NSMCE2: variants seen among roughly 807,000 people sequenced by gnomAD.
NSMCE2 encodes E3 SUMO-protein ligase NSE2.
A neutral mutation model predicts 23.8 loss-of-function variants in NSMCE2; 24 were observed. The observed-to-expected ratio is 1.01, with a 90% confidence interval of 0.73 to 1.42. The LOEUF (loss-of-function observed/expected upper bound fraction) is 1.42. NSMCE2 is among the 40% of genes most tolerant of loss of function. The probability of loss-of-function intolerance (pLI) is 0.00; values close to 1 mark genes in which losing one functional copy is unlikely to be tolerated. For synonymous variants in NSMCE2, 92 were observed against 94.1 expected, an observed-to-expected ratio of 0.98 and a Z score of 0.13; for missense variants, 284 against 296.5, an observed-to-expected ratio of 0.96 and a Z score of 0.31.
At chr8:125,095,752 T>C (rs1817896490) in intron 1 of NSMCE2, among the ~76,000 whole-genome samples, 1 of 151,232 alleles carries the variant, frequency 6.6e-6, no homozygotes, top group African/African-American at 2.4e-5. Flanking sequence ...AAAATTAGCC[T>C]GGCATGTAGC....
At chr8:125,326,732 G>T (rs1829678411) in intron 5 of NSMCE2, among the ~76,000 whole-genome samples, 1 of 152,004 alleles carries the variant, frequency 6.6e-6, no homozygotes. Flanking sequence ...GAGGCAGGTG[G>T]ATCACCTGAG....
chr8:125,104,164 A>T lies in NSMCE2; in HGVS notation c.157+1677A>T, dbSNP rs112586879. 1.2e-3 allele frequency among the ~76,000 whole-genome samples: 185 copies of T among 152,016 alleles called. 2 individuals carry two copies. Among genetic ancestry groups the T allele is most frequent in the African/African-American group, 4.1e-3 (172 of 41,480 alleles). ...CGCCACCACGCCCAGCTAATTTTGTAATTTTAGTAGAGACGGAGTTTCTTC... is the reference window on the plus strand; with the variant it reads ...CGCCACCACGCCCAGCTAATTTTGTTATTTTAGTAGAGACGGAGTTTCTTC... On this transcript the variant is annotated intron_variant, in intron 3 of 7. Coordinates refer to ENST00000287437, the MANE Select transcript of NSMCE2 (RefSeq NM_173685.4).
chr8:125,330,506 G>A (rs1482335683), intron 5 of NSMCE2, among the ~76,000 whole-genome samples: 1 of 151,974 alleles, frequency 6.6e-6, no homozygotes, highest in Non-Finnish European at 1.5e-5. Flanking sequence ...ACACCATGAA[G>A]AAGTGTGGAA....
intron 5 of NSMCE2, among the ~76,000 whole-genome samples, chr8:125,271,754 T>A (rs1292431202): frequency 3.9e-5 from 6 of 152,254 alleles, no homozygotes. Context: ...CTTTTGATAC[T>A]GTTTTTCACT....
At chr8:125,317,169 TG>T (rs1204026282) in intron 5 of NSMCE2, among the ~76,000 whole-genome samples, 1 of 151,978 alleles carries the variant, frequency 6.6e-6, no homozygotes, top group African/African-American at 2.4e-5. Context: ...AATAAGACTA[TG>T]ATTTAAAGTC....
At chr8:125,096,634 C>CTTTTT (rs34656029) in intron 1 of NSMCE2, among the ~76,000 whole-genome samples, 17 of 80,424 alleles carry the variant, frequency 2.1e-4, no homozygotes, top group East Asian at 8.3e-4. Flanking sequence ...GTGTGGAATC[C>CTTTTT]TTTTTTTTTT....
intron 5 of NSMCE2, among the ~76,000 whole-genome samples, chr8:125,316,777 C>CCT (rs1563780416): frequency 2.2e-5 from 2 of 90,200 alleles, no homozygotes; most frequent in African/African-American, 1.4e-4. Flanking sequence ...CCTTCTCTCT[C>CCT]TCTCTTTCTT....
chr8:125,151,722 T>A (rs1041370789), intron 4 of NSMCE2, among the ~76,000 whole-genome samples: 6 of 152,226 alleles, frequency 3.9e-5, no homozygotes, highest in African/African-American at 1.4e-4. Context: ...AGTTTAAAAA[T>A]AAAGAAGATC....
At chr8:125,248,690 G>T (rs149101716) in intron 5 of NSMCE2, among the ~76,000 whole-genome samples, 97 of 152,152 alleles carry the variant, frequency 6.4e-4, no homozygotes, top group African/African-American at 2.2e-3. Context: ...GATACATTAA[G>T]TTTTTTCAGA....
At chr8:125,325,419 C>T (rs1275442452) in intron 5 of NSMCE2, among the ~76,000 whole-genome samples, 1 of 152,172 alleles carries the variant, frequency 6.6e-6, no homozygotes, top group Non-Finnish European at 1.5e-5. Flanking sequence ...GGCACGATCT[C>T]GGCTCATTGC....
At chr8:125,252,505 G>A (rs533480206) in intron 5 of NSMCE2, among the ~76,000 whole-genome samples, 6 of 152,242 alleles carry the variant, frequency 3.9e-5, no homozygotes, top group Admixed American at 1.3e-4. Context: ...CAGCCTGGGC[G>A]ACAGAGCGAG....
At chr8:125,210,253 A>G (rs534606987) in intron 5 of NSMCE2, among the ~76,000 whole-genome samples, 2 of 152,366 alleles carry the variant, frequency 1.3e-5, no homozygotes, top group East Asian at 3.9e-4. Flanking sequence ...CTTGGCACAC[A>G]GTAAATGTTA....
chr8:125,277,333 G>A (rs897040457), intron 5 of NSMCE2, among the ~76,000 whole-genome samples: 1 of 152,028 alleles, frequency 6.6e-6, no homozygotes, highest in African/African-American at 2.4e-5. Context: ...TGAAGTCAAG[G>A]CCATGATATT....
intron 5 of NSMCE2, among the ~76,000 whole-genome samples, chr8:125,272,014 C>CTTT (rs563967898): frequency 0.034 from 4,450 of 130,106 alleles, 214 homozygotes; most frequent in South Asian, 0.17. Context: ...CAGTTTCTTT[C>CTTT]TTTTTTTTTT....
chr8:125,288,331 A>G (rs1183649435), intron 5 of NSMCE2, among the ~76,000 whole-genome samples: 1 of 152,142 alleles, frequency 6.6e-6, no homozygotes, highest in Non-Finnish European at 1.5e-5. Context: ...TTTTCTTCTG[A>G]TATCAGCTCT....
At chr8:125,365,573 A>T (rs1813745689) in intron 7 of NSMCE2, among the ~76,000 whole-genome samples, 1 of 152,158 alleles carries the variant, frequency 6.6e-6, no homozygotes, top group South Asian at 2.1e-4. Flanking sequence ...ATAAAATCCA[A>T]GTCCAGGCAC....
At chr8:125,269,915 C>A (rs1827105063) in intron 5 of NSMCE2, among the ~76,000 whole-genome samples, 1 of 152,150 alleles carries the variant, frequency 6.6e-6, no homozygotes, top group Admixed American at 6.6e-5. Flanking sequence ...GTCAGTCATC[C>A]ATTTATAATT....
chr8:125,363,522 G>GAGAA lies in NSMCE2; in HGVS notation c.627-3226_627-3223dup, dbSNP rs59016298. 7.8e-3 allele frequency among the ~76,000 whole-genome samples: 1,010 copies of GAGAA among 130,292 alleles called. 24 individuals are homozygous for GAGAA. Among genetic ancestry groups the GAGAA allele is most frequent in the African/African-American group, 0.026 (873 of 34,198 alleles). 85.5% of individuals were successfully genotyped at this position (130,292 alleles called of 152,430 possible). On this transcript the variant is annotated intron_variant, in intron 7 of 7. Transcript: ENST00000287437. ...TCAAAAAAAGAAAGAGGAAAGAGGA[G>GAGAA]AGAAAGAAAGAAAGAAAGAAAGAGA...
In NSMCE2 at chr8:125,274,381, A is replaced by AT. The variant is rs539571952; in HGVS notation, c.419-82829dup. Among the ~76,000 whole-genome samples the AT allele has an allele frequency of 8.6e-5, 13 of 151,752 alleles. No individual in the cohort carries two copies. The South Asian group carries it at 1.0e-3, about 12-fold the overall frequency. ...CATTTTAATTCCTGTCACCTCAGTG[A>AT]TTTTTTTTTAGTTCATTTAATTATT... On this transcript the variant is annotated intron_variant, in intron 5 of 7. Coordinates refer to ENST00000287437, the MANE Select transcript of NSMCE2 (RefSeq NM_173685.4).
Sources: gnomAD v4.1 joint callset for allele counts (sites outside exome capture counted in the v4.1 genomes callset) on GRCh38, gnomAD v4.1.1 for gene constraint, MANE v1.5 for transcripts, NCBI Gene and HGNC (gene_info 2026-07-23, HGNC 2026-07-21) for gene names.